Variants in DLC1 observed in about 807,000 individuals in gnomAD.
DLC1 encodes DLC1 Rho GTPase activating protein.
In DLC1, 54 loss-of-function variants were observed where a neutral mutation model predicts 140.3. That is an observed-to-expected ratio of 0.38 (90% CI 0.31 to 0.48). DLC1 has a LOEUF of 0.48. Ranked by LOEUF, DLC1 falls within the 20% of genes least tolerant of loss-of-function variation. The pLI is 0.96. For synonymous variants in DLC1, 986 were observed against 728.1 expected, an observed-to-expected ratio of 1.35 and a Z score of -5.70; for missense variants, 2,536 against 1,907.0, an observed-to-expected ratio of 1.33 and a Z score of -6.14.
chr8:13,585,242 T>G (rs1225030143), intron 1 of DLC1, among the ~76,000 whole-genome samples: 2 of 152,116 alleles, frequency 1.3e-5, no homozygotes, highest in Non-Finnish European at 2.9e-5. Flanking sequence ...GAGCAAAGTC[T>G]TCATGGATGT....
intron 5 of DLC1, among the ~76,000 whole-genome samples, chr8:13,139,887 G>A (rs978757913): frequency 1.3e-5 from 2 of 152,172 alleles, no homozygotes; most frequent in Non-Finnish European, 2.9e-5. Flanking sequence ...AATTTAAATG[G>A]CATGGTCAAA....
chr8:13,213,317 G>T (rs895613316), intron 5 of DLC1, among the ~76,000 whole-genome samples: 1 of 152,112 alleles, frequency 6.6e-6, no homozygotes, highest in Non-Finnish European at 1.5e-5. Flanking sequence ...GGGCACTATT[G>T]TCACCTATAA....
At chr8:13,215,537 G>A (rs185405364) in intron 5 of DLC1, among the ~76,000 whole-genome samples, 68 of 152,246 alleles carry the variant, frequency 4.5e-4, no homozygotes, top group African/African-American at 1.6e-3. Flanking sequence ...AGTTAGCCAA[G>A]ATCACGCCAC....
intron 2 of DLC1, among the ~76,000 whole-genome samples, chr8:13,415,266 A>G (rs1004076246): frequency 2.6e-5 from 4 of 152,226 alleles, no homozygotes; most frequent in African/African-American, 9.6e-5. Context: ...TGATTTAAGT[A>G]AATACATTTT....
At position 13,449,050 on chromosome 8, in the gene DLC1, A is replaced by C. The variant is rs758473013; in HGVS notation, c.1024-47431T>G. Reference sequence around the variant, plus strand: ...ATTTCATGGATTACTGAAAAAAACAATTTAATGAGCATATTATATACCTTA... The same window carrying C: ...ATTTCATGGATTACTGAAAAAAACACTTTAATGAGCATATTATATACCTTA... On this transcript the variant is annotated intron_variant, in intron 2 of 17. Transcript: ENST00000276297. Among the ~76,000 whole-genome samples, 93 of 152,304 alleles carry C rather than the reference A, an allele frequency of 6.1e-4. 1 individual carries two copies. In the Middle Eastern group the frequency reaches 0.014, roughly 22 times the overall value.
intron 2 of DLC1, among the ~76,000 whole-genome samples, chr8:13,455,923 C>G (rs989444104): frequency 4.6e-5 from 7 of 152,110 alleles, no homozygotes; most frequent in Non-Finnish European, 1.0e-4. Context: ...AAATATGGAA[C>G]TGAAACAATG....
intron 1 of DLC1, among the ~76,000 whole-genome samples, chr8:13,524,506 T>G (rs1802859480): frequency 6.6e-6 from 1 of 152,186 alleles, no homozygotes; most frequent in Non-Finnish European, 1.5e-5. Context: ...GTCTATTGGT[T>G]ACATGATATC....
intron 5 of DLC1, among the ~76,000 whole-genome samples, chr8:13,248,288 G>C (rs762185072): frequency 7.2e-5 from 11 of 152,102 alleles, no homozygotes; most frequent in Non-Finnish European, 1.2e-4. Context: ...GCACCTGTTG[G>C]TCCTATTGGA....
intron 1 of DLC1, among the ~76,000 whole-genome samples, chr8:13,600,026 G>A (rs760109979): frequency 1.1e-4 from 17 of 151,820 alleles, no homozygotes; most frequent in African/African-American, 3.6e-4. Context: ...ACTTTCTTTC[G>A]TTAGTTGGAG....
chr8:13,129,716 GGTCTGGATGCGA>G (rs1461448119), intron 5 of DLC1, among the ~76,000 whole-genome samples: 1 of 152,216 alleles, frequency 6.6e-6, no homozygotes, highest in African/African-American at 2.4e-5. Flanking sequence ...GCATGATGTG[GGTCTGGATGCGA>G]GTCACACCAT....
At chr8:13,281,843 T>C (rs1305046626) in intron 5 of DLC1, among the ~76,000 whole-genome samples, 5 of 152,220 alleles carry the variant, frequency 3.3e-5, no homozygotes, top group Non-Finnish European at 7.3e-5. Context: ...TTTCAGTAAC[T>C]ATTTATGCTT....
intron 5 of DLC1, among the ~76,000 whole-genome samples, chr8:13,275,326 C>G (rs528597098): frequency 3.9e-5 from 6 of 152,334 alleles, no homozygotes; most frequent in African/African-American, 1.4e-4. Flanking sequence ...AAGAACACAG[C>G]ACAGAACTCT....
At chr8:13,451,059 A>G (rs1424346461) in intron 2 of DLC1, among the ~76,000 whole-genome samples, 1 of 148,540 alleles carries the variant, frequency 6.7e-6, no homozygotes, top group African/African-American at 2.4e-5. Flanking sequence ...AAAAAAAAAA[A>G]AAAAAAAAAG....
At chr8:13,501,942 C>T (rs529267340) in intron 1 of DLC1, among the ~76,000 whole-genome samples, 34 of 152,158 alleles carry the variant, frequency 2.2e-4, no homozygotes, top group Non-Finnish European at 4.4e-4. Flanking sequence ...AGATACTTTT[C>T]TCTCTTTATT....
At chr8:13,257,115 G>A (rs1830262912) in intron 5 of DLC1, among the ~76,000 whole-genome samples, 1 of 151,930 alleles carries the variant, frequency 6.6e-6, no homozygotes, top group African/African-American at 2.4e-5. Context: ...ACTGCAATCA[G>A]GATGCCACAA....
intron 2 of DLC1, among the ~76,000 whole-genome samples, chr8:13,460,278 C>G (rs943734510): frequency 1.3e-5 from 2 of 152,216 alleles, no homozygotes; most frequent in Non-Finnish European, 2.9e-5. Context: ...TGTTTCTCCT[C>G]TGCATACAAA....
At chr8:13,549,061 T>C (rs1268767163) in intron 1 of DLC1, among the ~76,000 whole-genome samples, 3 of 152,000 alleles carry the variant, frequency 2.0e-5, no homozygotes, top group Non-Finnish European at 4.4e-5. Flanking sequence ...ACTGACCAAC[T>C]ATATTAAAAG....
chr8:13,158,095 T>C (rs1824393712), intron 5 of DLC1, among the ~76,000 whole-genome samples: 1 of 152,210 alleles, frequency 6.6e-6, no homozygotes, highest in African/African-American at 2.4e-5. Context: ...CAAGACAGCT[T>C]TTTTTATATA....
At chr8:13,169,325 C>G (rs1364971920) in intron 5 of DLC1, among the ~76,000 whole-genome samples, 1 of 152,096 alleles carries the variant, frequency 6.6e-6, no homozygotes, top group East Asian at 1.9e-4. Context: ...TCCTGGCTTT[C>G]TTGTTGAATT....
Sources: allele counts gnomAD v4.1 joint callset (sites outside exome capture counted in the v4.1 genomes callset), GRCh38; gene constraint gnomAD v4.1.1; transcripts MANE v1.5; gene names NCBI Gene and HGNC (gene_info 2026-07-23, HGNC 2026-07-21).